YEATS4: variants seen among roughly 807,000 people sequenced by gnomAD.
YEATS4 encodes YEATS domain containing 4, also known as YEATS domain-containing protein 4.
Under a neutral mutation model 30.1 loss-of-function variants are expected in YEATS4, and 17 were observed. That is an observed-to-expected ratio of 0.56 (90% CI 0.39 to 0.85). The LOEUF is 0.85. Ranked by LOEUF, YEATS4 falls within the 40% of genes least tolerant of loss-of-function variation. The pLI is 0.00. For synonymous variants in YEATS4, 85 were observed against 87.5 expected (o/e 0.97, Z 0.16); for missense variants, 142 against 268.3 (o/e 0.53, Z 3.29).
intron 2 of YEATS4, among the ~76,000 whole-genome samples, chr12:69,363,449 CAAG>C (rs1020850479): frequency 1.3e-5 from 2 of 152,098 alleles, no homozygotes; most frequent in African/African-American, 4.8e-5. Context: ...ATTAAGATAA[CAAG>C]AACTATTTAT....
chr12:69,388,585 C>G (rs1317536292), intron 6 of YEATS4, among the ~76,000 whole-genome samples: 4 of 152,146 alleles, frequency 2.6e-5, no homozygotes, highest in Non-Finnish European at 4.4e-5. Flanking sequence ...ATGTTAGACA[C>G]AAGCAGATAT....
At chr12:69,374,439 C>T (rs1431072210) in intron 6 of YEATS4, among the ~76,000 whole-genome samples, 2 of 150,714 alleles carry the variant, frequency 1.3e-5, no homozygotes, top group Admixed American at 1.3e-4. Flanking sequence ...ATTGATCATT[C>T]TTGGGTGTTT....
At chr12:69,408,909 GC>G in the YEATS4 span, among the ~76,000 whole-genome samples, 1 of 152,168 alleles carries the variant, frequency 6.6e-6, no homozygotes, top group Non-Finnish European at 1.5e-5. Context: ...CATTAGAAAT[GC>G]CATAATATTT....
intron 1 of YEATS4, 94 bp from the exon 2 acceptor site, chr12:69,362,694 C>A (rs1014308211): frequency 3.3e-6 from 3 of 914,586 alleles, no homozygotes; most frequent in African/African-American, 1.7e-5. Context: ...GATTGTTAGC[C>A]TGCCATTCTT....
chr12:69,371,025 T>C (rs1175914277), intron 6 of YEATS4, 50 bp downstream of exon 6: 2 of 1,552,252 alleles, frequency 1.3e-6, no homozygotes, highest in Admixed American at 1.9e-5. Context: ...TCTGTAATAG[T>C]GAAAGGGTTG....
At chr12:69,410,297 C>T in the YEATS4 span, among the ~76,000 whole-genome samples, 1 of 152,154 alleles carries the variant, frequency 6.6e-6, no homozygotes, top group African/African-American at 2.4e-5. Flanking sequence ...CTTCTTTGTA[C>T]CTCAATAGAT....
chr12:69,406,726 A>T, the YEATS4 span, among the ~76,000 whole-genome samples: 1 of 152,236 alleles, frequency 6.6e-6, no homozygotes, highest in South Asian at 2.1e-4. Context: ...AACATGATCA[A>T]CAAGAACTGC....
the YEATS4 span, among the ~76,000 whole-genome samples, chr12:69,426,149 G>T: frequency 6.6e-6 from 1 of 152,138 alleles, no homozygotes; most frequent in Non-Finnish European, 1.5e-5. Flanking sequence ...AGCTGGGGCG[G>T]GAGGATCACT....
At chr12:69,397,747 ACACT>A in the YEATS4 span, among the ~76,000 whole-genome samples, 16 of 152,188 alleles carry the variant, frequency 1.1e-4, no homozygotes, top group African/African-American at 3.9e-4. Context: ...TAAGACACAG[ACACT>A]CACAGAAGGA....
the YEATS4 span, among the ~76,000 whole-genome samples, chr12:69,408,350 G>A: frequency 3.3e-5 from 5 of 152,340 alleles, no homozygotes; most frequent in African/African-American, 1.2e-4. Context: ...CAGTGTGGAT[G>A]ACGGGAGAGA....
chr12:69,418,060 A>G, the YEATS4 span, among the ~76,000 whole-genome samples: 1 of 152,212 alleles, frequency 6.6e-6, no homozygotes, highest in Non-Finnish European at 1.5e-5. Flanking sequence ...ATCAAAGGTC[A>G]TTCTTCTGAT....
chr12:69,390,118 A>G lies in YEATS4; in HGVS notation c.515-29A>G, dbSNP rs760921829. 1.3e-5 allele frequency: 20 copies of G among 1,545,566 alleles called. No individual in the cohort carries two copies. The African/African-American group carries it at 2.4e-4, about 18-fold the overall frequency. On this transcript the variant is annotated intron_variant, in intron 6 of 6. Coordinates refer to ENST00000247843, the MANE Select transcript of YEATS4 (RefSeq NM_006530.4). The stretch of plus-strand genomic sequence containing the variant: ...TATATCTTAAACATGTGAGAAAAAT[A>G]CTTTAGTAAAAGTATTTGTTTTCTT...
At chr12:69,368,340 A>G (rs1437058533) in intron 4 of YEATS4, among the ~76,000 whole-genome samples, 1 of 152,220 alleles carries the variant, frequency 6.6e-6, no homozygotes, top group Non-Finnish European at 1.5e-5. Context: ...CATTCCTAGA[A>G]ATAGGGATTT....
chr12:69,403,833 G>A, the YEATS4 span, among the ~76,000 whole-genome samples: 5 of 152,002 alleles, frequency 3.3e-5, no homozygotes, highest in South Asian at 2.1e-4. Context: ...AGTTTTCAGG[G>A]CTTATTTTAT....
chr12:69,361,405 C>T (rs1344329194), intron 1 of YEATS4: 1 of 152,294 alleles, frequency 6.6e-6, no homozygotes, highest in Non-Finnish European at 1.5e-5. Context: ...ATTCTCCTGC[C>T]TCAGCCTCCT....
chr12:69,365,992 A>G, intron 4 of YEATS4, 108 bp downstream of exon 4: 2 of 836,082 alleles, frequency 2.4e-6, no homozygotes, highest in Non-Finnish European at 3.5e-6. Context: ...ATGTAAATTT[A>G]TGGCACAGTG....
chr12:69,361,269 G>GTGTA (rs564364448), intron 1 of YEATS4: 1 of 142,680 alleles, frequency 7.0e-6, no homozygotes, highest in South Asian at 2.2e-4. Flanking sequence ...GTGTGTGTGT[G>GTGTA]TTTTGTTTTG....
chr12:69,425,581 T>G, the YEATS4 span, among the ~76,000 whole-genome samples: 18 of 152,048 alleles, frequency 1.2e-4, no homozygotes, highest in East Asian at 2.3e-3. Flanking sequence ...GACTGTGGAG[T>G]CTTTGGCACC....
chr12:69,363,199 T>TA (rs1392368011), intron 2 of YEATS4, among the ~76,000 whole-genome samples: 1 of 151,906 alleles, frequency 6.6e-6, no homozygotes, highest in African/African-American at 2.4e-5. Flanking sequence ...TTCACCATGT[T>TA]AGCCAGGATG....
Sources: gnomAD v4.1 joint callset for allele counts (sites outside exome capture counted in the v4.1 genomes callset) on GRCh38, gnomAD v4.1.1 for gene constraint, MANE v1.5 for transcripts, NCBI Gene and HGNC (gene_info 2026-07-23, HGNC 2026-07-21) for gene names.